The following ARMC1 variants were observed in gnomAD, a reference collection of about 807,000 sequenced individuals.
The protein encoded by ARMC1 is armadillo repeat containing 1.
In ARMC1, 16 loss-of-function variants were observed where a neutral mutation model predicts 31.4. That is an observed-to-expected ratio of 0.51 (90% CI 0.34 to 0.77). ARMC1 has a LOEUF of 0.77. Ranked by LOEUF, ARMC1 falls within the 30% of genes least tolerant of loss-of-function variation. The pLI, the probability that ARMC1 is intolerant of heterozygous loss-of-function variation, is 0.01. For synonymous variants in ARMC1, 114 were observed against 118.9 expected, an observed-to-expected ratio of 0.96 and a Z score of 0.27; for missense variants, 259 against 347.5, an observed-to-expected ratio of 0.75 and a Z score of 2.02.
intron 1 of ARMC1, among the ~76,000 whole-genome samples, chr8:65,631,085 A>C (rs1177643073): frequency 6.6e-6 from 1 of 152,224 alleles, no homozygotes; most frequent in East Asian, 1.9e-4. Context: ...AGGCAAGAAA[A>C]GCTGACAGAA....
Position 65,634,021 on chromosome 8 carries a change from G to T in ARMC1, c.-59C>A, listed in dbSNP as rs1362061253. 6.6e-6 allele frequency: 1 copy of T among 152,420 alleles called. No homozygotes were observed. Among genetic ancestry groups the T allele is most frequent in the Non-Finnish European group, 1.5e-5 (1 of 68,184 alleles). The allele number at this position is 152,420 out of a possible 1,614,324, so 9.4% of individuals were successfully genotyped here. On this transcript the variant is annotated 5_prime_UTR_variant, in exon 1 of 7. It adds an upstream start codon to the 5' untranslated region. Transcript: ENST00000276569. Reference sequence around the variant, plus strand: ...ACCGCTCCAGAGCTTTAGGAGTCCAGAGCCTGCCACACCATCAGGGCCACA... The same window carrying T: ...ACCGCTCCAGAGCTTTAGGAGTCCATAGCCTGCCACACCATCAGGGCCACA...
intron 3 of ARMC1, among the ~76,000 whole-genome samples, chr8:65,615,145 C>T (rs1456140029): frequency 6.6e-6 from 1 of 152,014 alleles, no homozygotes; most frequent in Non-Finnish European, 1.5e-5. Context: ...ATTCCAGACA[C>T]TCAATTACTA....
chr8:65,627,864 A>G (rs1027766687), intron 1 of ARMC1, among the ~76,000 whole-genome samples: 1 of 152,218 alleles, frequency 6.6e-6, no homozygotes, highest in African/African-American at 2.4e-5. Context: ...TCAGTGAACA[A>G]AAACCTAGCA....
intron 3 of ARMC1, among the ~76,000 whole-genome samples, chr8:65,617,356 C>T (rs920235924): frequency 2.2e-4 from 34 of 152,162 alleles, no homozygotes; most frequent in African/African-American, 8.2e-4. Flanking sequence ...GTGCTGTGTC[C>T]ACTCAGGGTT....
rs1475218634 is a variant in ARMC1 at position 65,603,750 on chromosome 8, T to C, written c.*644A>G. ...TTCTTGACTGATTTTGTGTTAATTT[T>C]ATCAAAATTATAATGAATAAGGCTG... On this transcript the variant is annotated 3_prime_UTR_variant, in exon 7 of 7. Coordinates refer to ENST00000276569, the MANE Select transcript of ARMC1 (RefSeq NM_018120.6). 1.3e-5 allele frequency: 2 copies of C among 152,480 alleles called. No individual in the cohort carries two copies. Among genetic ancestry groups the C allele is most frequent in the East Asian group, 1.9e-4 (1 of 5,192 alleles). The allele number at this position is 152,480 out of a possible 1,614,324, so 9.4% of individuals were successfully genotyped here.
intron 3 of ARMC1, among the ~76,000 whole-genome samples, 174 bp downstream of exon 3, chr8:65,622,089 G>T (rs1808405824): frequency 6.6e-6 from 1 of 152,112 alleles, no homozygotes; most frequent in Non-Finnish European, 1.5e-5. Flanking sequence ...TTAACTACAG[G>T]ACATTAAAAC....
intron 3 of ARMC1, among the ~76,000 whole-genome samples, chr8:65,614,201 A>G (rs577661335): frequency 1.2e-3 from 177 of 152,322 alleles, no homozygotes; most frequent in African/African-American, 4.0e-3. Flanking sequence ...TTTTTAATTT[A>G]CATTTTTTAC....
intron 4 of ARMC1, among the ~76,000 whole-genome samples, chr8:65,612,566 C>T (rs996561372): frequency 2.6e-5 from 4 of 151,956 alleles, no homozygotes; most frequent in Non-Finnish European, 5.9e-5. Flanking sequence ...TCACTGTGCT[C>T]AAAGAACATG....
rs759695748 is a variant in ARMC1 at position 65,627,173 on chromosome 8, T to G, written c.183+43A>C. The G allele has an allele frequency of 8.0e-6, 12 of 1,506,260 alleles. No individual in the cohort carries two copies. In the East Asian group the frequency reaches 2.5e-4, roughly 32 times the overall value. The allele number at this position is 1,506,260 out of a possible 1,614,324, so 93.3% of individuals were successfully genotyped here. ...ACTTTTTCCAAATTCTCACCTTAAC[T>G]GCAAAAATAGAACAGAGATTGAAAT... is the stretch of plus-strand genomic sequence containing the variant. On this transcript the variant is annotated intron_variant, in intron 2 of 6. Coordinates refer to ENST00000276569, the MANE Select transcript of ARMC1 (RefSeq NM_018120.6).
chr8:65,615,535 T>C (rs1808231661), intron 3 of ARMC1, among the ~76,000 whole-genome samples: 1 of 151,438 alleles, frequency 6.6e-6, no homozygotes, highest in African/African-American at 2.4e-5. Flanking sequence ...CGAAACCCCG[T>C]CTCTACTAAA....
chr8:65,629,601 C>T (rs1222110141), intron 1 of ARMC1, among the ~76,000 whole-genome samples: 1 of 151,600 alleles, frequency 6.6e-6, no homozygotes, highest in Admixed American at 6.6e-5. Context: ...GAGTTCAAGA[C>T]CAGCCTGACC....
At chr8:65,617,242 T>C (rs1312607025) in intron 3 of ARMC1, among the ~76,000 whole-genome samples, 1 of 152,218 alleles carries the variant, frequency 6.6e-6, no homozygotes, top group African/African-American at 2.4e-5. Flanking sequence ...TAGAAAGAAG[T>C]AGACATAGGA....
At chr8:65,623,786 CTTTTTTT>C (rs201008780) in intron 2 of ARMC1, among the ~76,000 whole-genome samples, 1 of 26,078 alleles carries the variant, frequency 3.8e-5, no homozygotes, top group Admixed American at 6.2e-4. Flanking sequence ...AAAGTAAAAT[CTTTTTTT>C]TTTTTTTTTT....
intron 2 of ARMC1, among the ~76,000 whole-genome samples, chr8:65,626,953 T>C (rs1808523457): frequency 6.6e-6 from 1 of 151,426 alleles, no homozygotes; most frequent in East Asian, 1.9e-4. Context: ...GAGGTGGAGA[T>C]TGCAGTGAAC....
intron 1 of ARMC1, among the ~76,000 whole-genome samples, chr8:65,628,903 C>T (rs1808573756): frequency 6.6e-6 from 1 of 151,872 alleles, no homozygotes; most frequent in Admixed American, 6.6e-5. Flanking sequence ...CCTGTAATCC[C>T]AGCACTTTGG....
At chr8:65,619,328 A>T (rs1296026241) in intron 3 of ARMC1, among the ~76,000 whole-genome samples, 5 of 152,096 alleles carry the variant, frequency 3.3e-5, no homozygotes, top group Non-Finnish European at 7.3e-5. Flanking sequence ...ACCTGAGGCC[A>T]CGAGTTCGAG....
intron 2 of ARMC1, among the ~76,000 whole-genome samples, chr8:65,623,781 A>C (rs1808450493): frequency 8.8e-6 from 1 of 113,478 alleles, no homozygotes; most frequent in Admixed American, 1.0e-4. Context: ...ACAACAAAGT[A>C]AAATCTTTTT....
At chr8:65,607,256 A>C (rs1030036868) in intron 4 of ARMC1, among the ~76,000 whole-genome samples, 1 of 152,238 alleles carries the variant, frequency 6.6e-6, no homozygotes, top group Non-Finnish European at 1.5e-5. Context: ...AGCCCCTTAG[A>C]GGACTGGTGC....
rs1807926534 is a variant in ARMC1, at chr8:65,603,016, C to T, written c.*1378G>A. Reference sequence around the variant, plus strand: ...GAAACCCTTTGAGGTCCAATTTTCACATCATATTCTCCAAATAGTAAAATA... The same window carrying T: ...GAAACCCTTTGAGGTCCAATTTTCATATCATATTCTCCAAATAGTAAAATA... On this transcript the variant is annotated 3_prime_UTR_variant, in exon 7 of 7. Coordinates refer to ENST00000276569, the MANE Select transcript of ARMC1 (RefSeq NM_018120.6). The T allele has an allele frequency of 6.6e-6, 1 of 152,082 alleles. No individual in the cohort carries two copies. The allele number at this position is 152,082 out of a possible 1,614,324, so 9.4% of individuals were successfully genotyped here. A position where few individuals can be genotyped will look rare whatever the true frequency, so the allele number is the denominator to read the frequency against.
Sources: gnomAD v4.1 joint callset for allele counts (sites outside exome capture counted in the v4.1 genomes callset) on GRCh38, gnomAD v4.1.1 for gene constraint, MANE v1.5 for transcripts, NCBI Gene and HGNC (gene_info 2026-07-23, HGNC 2026-07-21) for gene names.